Variants in TTLL9 observed in about 807,000 individuals in gnomAD.
TTLL9 encodes probable tubulin polyglutamylase TTLL9.
Under a neutral mutation model 65.6 loss-of-function variants are expected in TTLL9, and 47 were observed. The ratio of observed to expected loss-of-function variants is 0.72; its 90% CI spans 0.57 to 0.91. The LOEUF (loss-of-function observed/expected upper bound fraction) is 0.91. Among genes scored for constraint, TTLL9 ranks in the 40% least tolerant of loss-of-function variants. TTLL9 has a pLI of 0.00. For synonymous variants in TTLL9, 179 were observed against 204.8 expected, an observed-to-expected ratio of 0.87 and a Z score of 1.07; for missense variants, 537 against 568.8, an observed-to-expected ratio of 0.94 and a Z score of 0.57.
chr20:31,918,381 T>C (rs912967468), intron 6 of TTLL9, among the ~76,000 whole-genome samples: 1 of 148,182 alleles, frequency 6.7e-6, no homozygotes, highest in African/African-American at 2.5e-5. Context: ...TCTTTCTTTC[T>C]TTTTTTTTTA....
chr20:31,931,498 A>G (rs1453842957), intron 10 of TTLL9, among the ~76,000 whole-genome samples: 1 of 151,380 alleles, frequency 6.6e-6, no homozygotes, highest in Non-Finnish European at 1.5e-5. Context: ...CAGGTCTTGA[A>G]CTCCTGGACT....
Position 31,943,083 on chromosome 20 carries a change from C to T in TTLL9, c.*62C>T. 2.7e-6 allele frequency: 4 copies of T among 1,469,292 alleles called. No homozygotes were observed. Among genetic ancestry groups the T allele is most frequent in the Non-Finnish European group, 3.8e-6 (4 of 1,051,862 alleles). 91.0% of individuals were successfully genotyped at this position (1,469,292 alleles called of 1,614,324 possible). A position where few individuals can be genotyped will look rare whatever the true frequency, so the allele number is the denominator to read the frequency against. On this transcript the variant is annotated 3_prime_UTR_variant, in exon 15 of 15. Transcript: ENST00000535842. ...GCCACCCAGGCCTCCCCCCCACTCC[C>T]AGATCCCAGCACAGCACCTCACAGC...
At position 31,887,190 on chromosome 20, in the gene TTLL9, T is replaced by C. The variant is rs771555985; in HGVS notation, c.70-6T>C. 1 of 1,614,166 alleles carries C rather than the reference T, an allele frequency of 6.2e-7. No individual in the cohort carries two copies. The highest frequency in any genetic ancestry group is 8.5e-7 in the Non-Finnish European group (1 of 1,180,016). On this transcript the variant is annotated splice_region_variant and splice_polypyrimidine_tract_variant and intron_variant, in intron 2 of 14. Coordinates refer to ENST00000535842, the MANE Select transcript of TTLL9 (RefSeq NM_001008409.5). ...CAGTTACATCCTTTTCCTTTCCTCATTGCAGAACCAAAATTACAAGGGCCA... is the reference window on the plus strand; with the variant it reads ...CAGTTACATCCTTTTCCTTTCCTCACTGCAGAACCAAAATTACAAGGGCCA...
At chr20:31,883,193 ATTCT>A (rs1260664909) in intron 2 of TTLL9, among the ~76,000 whole-genome samples, 1 of 150,818 alleles carries the variant, frequency 6.6e-6, no homozygotes, top group Non-Finnish European at 1.5e-5. Flanking sequence ...TCTCCTGAGA[ATTCT>A]TTCTTTTTTT....
chr20:31,929,664 C>A (rs1229022269), intron 10 of TTLL9, among the ~76,000 whole-genome samples: 2 of 151,964 alleles, frequency 1.3e-5, no homozygotes, highest in African/African-American at 4.8e-5. Context: ...ATGCTGCAGG[C>A]ATTTGGGAAG....
chr20:31,908,205 G>A (rs943261833), intron 4 of TTLL9, among the ~76,000 whole-genome samples: 3 of 148,494 alleles, frequency 2.0e-5, no homozygotes, highest in Non-Finnish European at 2.9e-5. Flanking sequence ...CGGGCTGCAC[G>A]CGTGGCAACT....
chr20:31,934,490 G>T, intron 11 of TTLL9: 1 of 681,552 alleles, frequency 1.5e-6, no homozygotes, highest in East Asian at 2.8e-5. Context: ...CTGGGGTCCT[G>T]CATAGCCAGT....
intron 6 of TTLL9, among the ~76,000 whole-genome samples, chr20:31,918,364 G>T (rs769283865): frequency 6.6e-6 from 1 of 151,838 alleles, no homozygotes; most frequent in Non-Finnish European, 1.5e-5. Flanking sequence ...TTGAGTGCCC[G>T]TTCTTTTCTT....
At position 31,870,954 on chromosome 20, in the gene TTLL9, G is replaced by GT; in HGVS notation, c.-6+6dup. ...AGTCTGCTTGGAACGGGATAAGTGG[G>GT]TAATTCCTTCCGATACATCCTCTCC... On this transcript the variant is annotated splice_donor_region_variant and intron_variant, in intron 1 of 14. Coordinates refer to ENST00000535842, the MANE Select transcript of TTLL9 (RefSeq NM_001008409.5). The surrounding 1 kb of genome is among the most constrained non-coding windows in gnomAD (Gnocchi z 6.6). The GT allele has an allele frequency of 1.4e-6, 1 of 690,522 alleles. No individual in the cohort carries two copies. The highest frequency in any genetic ancestry group is 2.6e-6 in the Non-Finnish European group (1 of 380,536). The allele number at this position is 690,522 out of a possible 1,614,324, so 42.8% of individuals were successfully genotyped here.
chr20:31,915,915 A>G (rs1246984002), intron 6 of TTLL9, among the ~76,000 whole-genome samples: 1 of 152,176 alleles, frequency 6.6e-6, no homozygotes, highest in African/African-American at 2.4e-5. Context: ...AACCACTCCC[A>G]AACATAGTGA....
At chr20:31,886,450 T>G (rs1229444458) in intron 2 of TTLL9, among the ~76,000 whole-genome samples, 1 of 152,204 alleles carries the variant, frequency 6.6e-6, no homozygotes, top group Admixed American at 6.5e-5. Flanking sequence ...GTGAAAGGAA[T>G]GAACATTGCT....
chr20:31,926,988 G>C (rs1321247325), intron 10 of TTLL9, among the ~76,000 whole-genome samples: 2 of 151,812 alleles, frequency 1.3e-5, no homozygotes, highest in Non-Finnish European at 2.9e-5. Context: ...GGTGTCACAT[G>C]CCTGTACTCC....
chr20:31,896,702 G>A (rs1180819093), intron 3 of TTLL9, among the ~76,000 whole-genome samples: 2 of 151,852 alleles, frequency 1.3e-5, no homozygotes, highest in African/African-American at 2.4e-5. Context: ...ACTAATTTTT[G>A]TATTTTTAGT....
intron 6 of TTLL9, among the ~76,000 whole-genome samples, chr20:31,912,309 A>C (rs186881762): frequency 3.3e-5 from 5 of 152,160 alleles, no homozygotes; most frequent in Admixed American, 2.0e-4. Context: ...AGCCTGATTC[A>C]CAGGTCTGGG....
chr20:31,930,063 G>T (rs1219763505), intron 10 of TTLL9, among the ~76,000 whole-genome samples: 1 of 152,144 alleles, frequency 6.6e-6, no homozygotes, highest in African/African-American at 2.4e-5. Flanking sequence ...GGGAGGTGGA[G>T]GTTGCAGTGA....
At chr20:31,937,531 C>A in intron 13 of TTLL9, 22 bp downstream of exon 13, 1 of 1,584,274 alleles carries the variant, frequency 6.3e-7, no homozygotes, top group South Asian at 1.1e-5. Flanking sequence ...CAGCCTTGAT[C>A]ACATGTCCTT....
At chr20:31,933,106 T>A (rs1233517245) in intron 10 of TTLL9, among the ~76,000 whole-genome samples, 1 of 152,214 alleles carries the variant, frequency 6.6e-6, no homozygotes, top group Non-Finnish European at 1.5e-5. Context: ...TCTCTGAGCC[T>A]CCATGGTCTC....
intron 3 of TTLL9, among the ~76,000 whole-genome samples, chr20:31,890,461 T>C (rs939130688): frequency 1.3e-5 from 2 of 152,080 alleles, no homozygotes; most frequent in African/African-American, 4.8e-5. Context: ...CTCTGTTTCA[T>C]TGTGTATCGC....
intron 2 of TTLL9, among the ~76,000 whole-genome samples, chr20:31,884,536 C>G (rs904493774): frequency 2.0e-5 from 3 of 152,148 alleles, no homozygotes; most frequent in Non-Finnish European, 4.4e-5. Context: ...CCCTATCTTA[C>G]AGTTCATGAG....
Sources: gnomAD v4.1 joint callset for allele counts (sites outside exome capture counted in the v4.1 genomes callset) on GRCh38, gnomAD v4.1.1 for gene constraint, Gnocchi (gnomAD v3.1) non-coding constraint, MANE v1.5 for transcripts, NCBI Gene and HGNC (gene_info 2026-07-23, HGNC 2026-07-21) for gene names.